Variants in FANCB observed in about 807,000 individuals in gnomAD.
FANCB encodes the protein Fanconi anemia group B protein.
Under a neutral mutation model 38.9 loss-of-function variants are expected in FANCB, and 5 were observed. The ratio of observed to expected loss-of-function variants is 0.13; its 90% CI spans 0.07 to 0.27. The LOEUF is 0.27. FANCB is among the 10% of genes least tolerant of loss of function. The pLI is 1.00. For missense variants in FANCB, 573 were observed against 602.7 expected (o/e 0.95, Z 0.52); for synonymous variants, 236 against 215.4 (o/e 1.10, Z -0.84).
the FANCB span, among the ~76,000 whole-genome samples, chrX:14,812,184 T>C: frequency 1.8e-5 from 2 of 110,530 alleles, no homozygotes; most frequent in African/African-American, 6.6e-5. Flanking sequence ...GGGAAATTTA[T>C]AGCACTAAAT....
chrX:14,736,693 C>T, the FANCB span, among the ~76,000 whole-genome samples: 1 of 111,943 alleles, frequency 8.9e-6, no homozygotes, highest in Admixed American at 9.4e-5. Context: ...GGCCATCTTC[C>T]AAAATGTAGA....
the FANCB span, among the ~76,000 whole-genome samples, chrX:14,721,209 C>A: frequency 9.1e-6 from 1 of 109,556 alleles, no homozygotes; most frequent in African/African-American, 3.3e-5. Context: ...CAAATATTTT[C>A]AAGATAAACC....
the FANCB span, among the ~76,000 whole-genome samples, chrX:14,719,035 C>T: frequency 9.0e-6 from 1 of 111,673 alleles, no homozygotes; most frequent in Non-Finnish European, 1.9e-5. Context: ...TGCCACAGTC[C>T]ACCCTCTTCG....
At chrX:14,707,566 C>G in the FANCB span, among the ~76,000 whole-genome samples, 2 of 70,370 alleles carry the variant, frequency 2.8e-5, no homozygotes, top group Admixed American at 4.2e-4. Context: ...ACCCACCCCC[C>G]ACCCTCCACC....
chrX:14,857,893 A>G lies in FANCB; in HGVS notation c.1166T>C (p.Leu389Pro). 1 of 1,196,748 alleles carries G rather than the reference A, an allele frequency of 8.4e-7. No individual in the cohort carries two copies. Residue 389 changes from leucine (L) to proline (P), a missense_variant, in exon 5 of 10, where the codon CTG becomes CCG. Physicochemically the swap from Leu to Pro is moderately conservative, Grantham distance 98. Coordinates refer to ENST00000650831, the MANE Select transcript of FANCB (RefSeq NM_001018113.3). ...LFEDKQENRY[L>P]VVPPLETGLK... ...TCCTGTTTCTAGAGGTGGAACCACC[A>G]GGTAACGATTCTCTTGTTTGTCTTC... is the stretch of plus-strand genomic sequence containing the variant.
chrX:14,736,263 T>C, the FANCB span, among the ~76,000 whole-genome samples: 2,961 of 109,837 alleles, frequency 0.027, 97 homozygotes, highest in African/African-American at 0.093. Flanking sequence ...TTGCTGGCAT[T>C]CCAGGCACCA....
intron 1 of FANCB, among the ~76,000 whole-genome samples, chrX:14,870,940 A>G (rs1395383008): frequency 8.9e-6 from 1 of 111,989 alleles, no homozygotes; most frequent in Non-Finnish European, 1.9e-5. Context: ...TTATGAAGAT[A>G]ATAATGATAG....
chrX:14,711,943 C>T, the FANCB span, among the ~76,000 whole-genome samples: 1 of 112,712 alleles, frequency 8.9e-6, no homozygotes, highest in African/African-American at 3.2e-5. Context: ...GAGTGAGTTT[C>T]TGTCCTTTGT....
chrX:14,827,980 A>G, the FANCB span, among the ~76,000 whole-genome samples: 8 of 112,499 alleles, frequency 7.1e-5, no homozygotes, highest in Admixed American at 2.8e-4. Context: ...AGTGAGCCAC[A>G]TATTTTTTTG....
the FANCB span, among the ~76,000 whole-genome samples, chrX:14,798,159 T>C: frequency 3.6e-5 from 4 of 109,982 alleles, no homozygotes; most frequent in South Asian, 1.6e-3. Context: ...TTTGTTTTTG[T>C]TTTTTTTGAG....
chrX:14,693,416 G>C, the FANCB span, among the ~76,000 whole-genome samples: 1 of 111,227 alleles, frequency 9.0e-6, no homozygotes, highest in African/African-American at 3.3e-5. Flanking sequence ...TTCAATAGGG[G>C]GATGTGATTA....
chrX:14,846,188 A>C (rs1196554925), intron 7 of FANCB, among the ~76,000 whole-genome samples: 1 of 111,711 alleles, frequency 9.0e-6, no homozygotes, highest in African/African-American at 3.2e-5. Context: ...CAGAAAGAAG[A>C]TACATCATGA....
At chrX:14,840,570 A>G (rs2092352380), downstream of FANCB, among the ~76,000 whole-genome samples, 1 of 112,202 alleles carries the variant, frequency 8.9e-6, no homozygotes, top group South Asian at 3.7e-4. Context: ...TAAGAAAAAA[A>G]GTGAAATAGA....
downstream of FANCB, among the ~76,000 whole-genome samples, chrX:14,842,486 T>A (rs2092357980): frequency 8.9e-6 from 1 of 111,990 alleles, no homozygotes; most frequent in Non-Finnish European, 1.9e-5. Context: ...GGATCAGGAA[T>A]ATTTATTTTG....
chrX:14,864,886 T>C lies in FANCB; in HGVS notation c.625A>G (p.Asn209Asp). Residue 209 changes from asparagine to aspartate, a missense_variant, in exon 3 of 10, where the codon AAT becomes GAT. Physicochemically the swap from Asn to Asp is conservative, Grantham distance 23. Coordinates refer to ENST00000650831, the MANE Select transcript of FANCB (RefSeq NM_001018113.3). ...EPSKSDYAIW[N>D]TKFCVYSLES... ...AGAGAATATACACAAAATTTGGTAT[T>C]CCAAATTGCATAATCTGATTTTGAA... The C allele has an allele frequency of 5.8e-6, 7 of 1,207,527 alleles. No homozygotes were observed. The highest frequency in any genetic ancestry group is 7.9e-6 in the Non-Finnish European group (7 of 891,526).
the FANCB span, among the ~76,000 whole-genome samples, chrX:14,741,998 C>T: frequency 9.0e-6 from 1 of 111,536 alleles, no homozygotes; most frequent in Non-Finnish European, 1.9e-5. Context: ...GTGAAATAGC[C>T]TAGAAAATAC....
downstream of FANCB, among the ~76,000 whole-genome samples, chrX:14,842,046 T>C (rs1216395589): frequency 8.9e-6 from 1 of 111,992 alleles, no homozygotes; most frequent in Admixed American, 9.5e-5. Flanking sequence ...CTTCCTGTAT[T>C]TTATATTTGG....
At chrX:14,710,049 C>T in the FANCB span, among the ~76,000 whole-genome samples, 1 of 111,928 alleles carries the variant, frequency 8.9e-6, no homozygotes, top group Non-Finnish European at 1.9e-5. Flanking sequence ...ACATGCCTCA[C>T]TGCCCCTCTG....
the FANCB span, among the ~76,000 whole-genome samples, chrX:14,726,625 C>G: frequency 8.9e-6 from 1 of 112,262 alleles, no homozygotes; most frequent in Non-Finnish European, 1.9e-5. Flanking sequence ...TATTAAGCCC[C>G]CACAGTTTGC....
Sources: allele counts gnomAD v4.1 joint callset (sites outside exome capture counted in the v4.1 genomes callset), GRCh38; gene constraint gnomAD v4.1.1; transcripts MANE v1.5; gene names NCBI Gene and HGNC (gene_info 2026-07-23, HGNC 2026-07-21).